The following COBL variants were observed in gnomAD, a reference collection of about 807,000 sequenced individuals.
The protein encoded by COBL is protein cordon-bleu.
Under a neutral mutation model 98.8 loss-of-function variants are expected in COBL, and 51 were observed. The observed-to-expected ratio is 0.52, with a 90% confidence interval of 0.41 to 0.65. The LOEUF is 0.65. Among genes scored for constraint, COBL ranks in the 30% least tolerant of loss-of-function variants. The pLI, the probability that COBL is intolerant of heterozygous loss-of-function variation, is 0.00. For synonymous variants in COBL, 634 were observed against 651.7 expected (o/e 0.97, Z 0.41); for missense variants, 1,617 against 1,617.5 (o/e 1.00, Z 0.01).
At chr7:51,248,716 T>C (rs945904243) in intron 1 of COBL, among the ~76,000 whole-genome samples, 2 of 152,192 alleles carry the variant, frequency 1.3e-5, no homozygotes, top group Admixed American at 6.5e-5. Flanking sequence ...TACAAATCAT[T>C]TTAATTTAAA....
chr7:51,161,299 T>C (rs1303200490), intron 5 of COBL, among the ~76,000 whole-genome samples: 1 of 152,194 alleles, frequency 6.6e-6, no homozygotes, highest in Non-Finnish European at 1.5e-5. Flanking sequence ...ATCAGCTGGG[T>C]GGAAATGCAG....
intron 5 of COBL, among the ~76,000 whole-genome samples, chr7:51,157,837 A>AC (rs1786343378): frequency 1.3e-5 from 2 of 152,244 alleles, no homozygotes; most frequent in Non-Finnish European, 2.9e-5. Context: ...GGTCATGGAT[A>AC]TGGTAATTAG....
At chr7:51,217,681 T>TATAAGAA (rs1793208607) in intron 2 of COBL, among the ~76,000 whole-genome samples, 1 of 152,166 alleles carries the variant, frequency 6.6e-6, no homozygotes, top group East Asian at 1.9e-4. Context: ...TACCTAGGAA[T>TATAAGAA]TGGGCTAAAA....
At chr7:51,159,120 T>C (rs1786514119) in intron 5 of COBL, among the ~76,000 whole-genome samples, 1 of 152,160 alleles carries the variant, frequency 6.6e-6, no homozygotes, top group Non-Finnish European at 1.5e-5. Context: ...GCAGGCTCTC[T>C]GCAGCCCCCG....
intron 2 of COBL, among the ~76,000 whole-genome samples, chr7:51,203,638 A>G (rs1791380881): frequency 6.6e-6 from 1 of 152,114 alleles, no homozygotes; most frequent in Non-Finnish European, 1.5e-5. Flanking sequence ...AAAGAAAAAA[A>G]TGGATAAATT....
chr7:51,308,872 T>C (rs1484829459), intron 1 of COBL, among the ~76,000 whole-genome samples: 3 of 152,206 alleles, frequency 2.0e-5, no homozygotes, highest in African/African-American at 7.2e-5. Flanking sequence ...TGCAAAGTCC[T>C]GTTTACCACT....
intron 1 of COBL, among the ~76,000 whole-genome samples, chr7:51,244,001 A>C (rs1485058899): frequency 6.6e-6 from 1 of 152,194 alleles, no homozygotes; most frequent in African/African-American, 2.4e-5. Context: ...AAAAATTAAA[A>C]AATATATCAG....
At chr7:51,303,188 C>A (rs892116751) in intron 1 of COBL, among the ~76,000 whole-genome samples, 4 of 152,216 alleles carry the variant, frequency 2.6e-5, no homozygotes, top group Admixed American at 1.3e-4. Flanking sequence ...GAGATAGACA[C>A]AAATGCTTTA....
rs4948198 is a variant in COBL, at chr7:51,160,558, G to A, written c.783+23544C>T. Reference sequence around the variant, plus strand: ...CAACAGGGCCGAGCCAACCTTCATCGAGTGCTAGCTGTGAGCTCCTTCCTG... The same window carrying A: ...CAACAGGGCCGAGCCAACCTTCATCAAGTGCTAGCTGTGAGCTCCTTCCTG... On this transcript the variant is annotated intron_variant, in intron 5 of 12. Transcript: ENST00000265136. Among the ~76,000 whole-genome samples the A allele has an allele frequency of 1.8e-3, 277 of 152,148 alleles. 5 individuals carry two copies. The highest frequency in any genetic ancestry group is 0.015 in the Admixed American group (232 of 15,276).
intron 12 of COBL, among the ~76,000 whole-genome samples, chr7:51,024,653 GTGAATGAA>G (rs3216937): frequency 0.14 from 20,637 of 151,218 alleles, 3,197 homozygotes; most frequent in African/African-American, 0.38. Context: ...GCATGTACGA[GTGAATGAA>G]TGAATGAATG....
At chr7:51,275,358 G>A (rs1283617172) in intron 1 of COBL, among the ~76,000 whole-genome samples, 1 of 152,150 alleles carries the variant, frequency 6.6e-6, no homozygotes, top group Non-Finnish European at 1.5e-5. Flanking sequence ...GTAATGCTGT[G>A]CGAAATTGAA....
At chr7:51,173,581 T>C (rs572985537) in intron 5 of COBL, among the ~76,000 whole-genome samples, 1 of 152,120 alleles carries the variant, frequency 6.6e-6, no homozygotes, top group African/African-American at 2.4e-5. Flanking sequence ...AAAAGAAAAA[T>C]GGTAATATTT....
intron 2 of COBL, among the ~76,000 whole-genome samples, chr7:51,215,917 G>A (rs1336033019): frequency 6.6e-6 from 1 of 152,258 alleles, no homozygotes; most frequent in African/African-American, 2.4e-5. Flanking sequence ...CAAGAGTCCT[G>A]TGCTGTTTCA....
At chr7:51,209,712 C>A (rs1434033956) in intron 2 of COBL, among the ~76,000 whole-genome samples, 2 of 152,132 alleles carry the variant, frequency 1.3e-5, no homozygotes, top group Non-Finnish European at 2.9e-5. Context: ...AGTCCTCCTG[C>A]GGTCTGAGGA....
chr7:51,041,325 T>C (rs1789169254), intron 8 of COBL, among the ~76,000 whole-genome samples: 1 of 152,176 alleles, frequency 6.6e-6, no homozygotes, highest in South Asian at 2.1e-4. Flanking sequence ...TAAAGTATTA[T>C]TGATAAGACA....
chr7:51,055,050 C>G (rs1030212365), intron 7 of COBL, among the ~76,000 whole-genome samples: 1 of 152,144 alleles, frequency 6.6e-6, no homozygotes, highest in Non-Finnish European at 1.5e-5. Flanking sequence ...GGAGCAGGTT[C>G]AGAGAGAAGA....
At chr7:51,232,298 G>A (rs1405010454) in intron 1 of COBL, among the ~76,000 whole-genome samples, 1 of 150,998 alleles carries the variant, frequency 6.6e-6, no homozygotes, top group Admixed American at 6.6e-5. Flanking sequence ...GAAAAGCACA[G>A]AATCACCATA....
rs1796600840 is a variant in COBL, at chr7:51,250,098, T to C, written c.42-30154A>G. Among the ~76,000 whole-genome samples, 3 of 151,740 alleles carry C rather than the reference T, an allele frequency of 2.0e-5. No individual in the cohort carries two copies. The South Asian group carries it at 6.3e-4, about 32-fold the overall frequency. ...GCCTGGGCAACACAGTGAGACTCCA[T>C]TTCAAAAAAAAAAAGAAGAAAGAAA... On this transcript the variant is annotated intron_variant, in intron 1 of 12. Coordinates refer to ENST00000265136, the MANE Select transcript of COBL (RefSeq NM_015198.5).
chr7:51,279,372 CTT>C (rs1462618650), intron 1 of COBL, among the ~76,000 whole-genome samples: 12 of 152,220 alleles, frequency 7.9e-5, no homozygotes, highest in Non-Finnish European at 1.5e-5. Flanking sequence ...TCTGTTTCCT[CTT>C]TGTTATTAAA....
Sources: allele counts gnomAD v4.1 joint callset (sites outside exome capture counted in the v4.1 genomes callset), GRCh38; gene constraint gnomAD v4.1.1; transcripts MANE v1.5; gene names NCBI Gene and HGNC (gene_info 2026-07-23, HGNC 2026-07-21).